Variants in NELL2 observed in about 807,000 individuals in gnomAD.
The protein encoded by NELL2 is neural EGFL like 2, also known as protein kinase C-binding protein NELL2.
Under a neutral mutation model 109.6 loss-of-function variants are expected in NELL2, and 41 were observed. The ratio of observed to expected loss-of-function variants is 0.37; its 90% CI spans 0.29 to 0.49. NELL2 has a LOEUF of 0.49. Ranked by LOEUF, NELL2 falls within the 20% of genes least tolerant of loss-of-function variation. The probability of loss-of-function intolerance (pLI) is 0.98; values close to 1 mark genes in which losing one functional copy is unlikely to be tolerated. For missense variants in NELL2, 900 were observed against 1,008.3 expected (o/e 0.89, Z 1.45); for synonymous variants, 355 against 344.7 (o/e 1.03, Z -0.33).
chr12:44,560,282 G>A (rs1284850763), intron 15 of NELL2, among the ~76,000 whole-genome samples: 1 of 152,014 alleles, frequency 6.6e-6, no homozygotes, highest in East Asian at 1.9e-4. Context: ...AGAAGCAAGA[G>A]CAAACAAATT....
intron 9 of NELL2, among the ~76,000 whole-genome samples, chr12:44,718,112 A>C (rs757745443): frequency 7.7e-4 from 118 of 152,304 alleles, no homozygotes; most frequent in Admixed American, 1.1e-3. Flanking sequence ...TCCCTCCTTG[A>C]GATTATCAAA....
chr12:44,572,121 A>T (rs1349345735), intron 15 of NELL2, among the ~76,000 whole-genome samples: 1 of 152,070 alleles, frequency 6.6e-6, no homozygotes, highest in Non-Finnish European at 1.5e-5. Flanking sequence ...CAATATTTTT[A>T]AGACTAAATT....
At chr12:44,774,224 A>G (rs145965820) in intron 9 of NELL2, among the ~76,000 whole-genome samples, 1,812 of 152,308 alleles carry the variant, frequency 0.012, 42 homozygotes, top group African/African-American at 0.04. Flanking sequence ...CTATATAATG[A>G]CTGCTAAAAG....
chr12:44,669,074 C>T (rs1948048917), intron 12 of NELL2, among the ~76,000 whole-genome samples: 1 of 152,186 alleles, frequency 6.6e-6, no homozygotes, highest in Non-Finnish European at 1.5e-5. Context: ...AGCAAAGCAT[C>T]ACCAAAGCCT....
chr12:44,714,270 G>A (rs539633480), intron 10 of NELL2, among the ~76,000 whole-genome samples: 7 of 151,844 alleles, frequency 4.6e-5, no homozygotes, highest in South Asian at 2.1e-4. Flanking sequence ...GTAATTTTTC[G>A]TTTTGTTTTT....
At chr12:44,677,656 T>C (rs1436061803) in intron 12 of NELL2, among the ~76,000 whole-genome samples, 3 of 152,052 alleles carry the variant, frequency 2.0e-5, no homozygotes, top group African/African-American at 4.8e-5. Context: ...TGATACTAGT[T>C]TCAGTTCTTG....
chr12:44,899,719 C>T (rs1025007724), intron 1 of NELL2, among the ~76,000 whole-genome samples: 2 of 152,080 alleles, frequency 1.3e-5, no homozygotes, highest in Middle Eastern at 3.2e-3. Context: ...GGCAAAATAA[C>T]CAGCTAGCAT....
At chr12:44,524,478 T>C (rs1941679841) in intron 16 of NELL2, among the ~76,000 whole-genome samples, 1 of 152,198 alleles carries the variant, frequency 6.6e-6, no homozygotes, top group African/African-American at 2.4e-5. Flanking sequence ...AGATGGAGTG[T>C]ATAGCTTTTA....
chr12:44,646,295 T>C (rs1257456774), intron 13 of NELL2, among the ~76,000 whole-genome samples: 4 of 152,146 alleles, frequency 2.6e-5, no homozygotes, highest in Non-Finnish European at 5.9e-5. Context: ...ACACAGTTAA[T>C]AAGCTGCATA....
chr12:44,725,102 T>C (rs73278131), intron 9 of NELL2, among the ~76,000 whole-genome samples: 11,428 of 152,124 alleles, frequency 0.075, 1,389 homozygotes, highest in African/African-American at 0.26. Flanking sequence ...CCTTACACCA[T>C]GTACAAAAAT....
At position 44,508,718 on chromosome 12, in the gene NELL2, C is replaced by G. The variant is rs1048093543; in HGVS notation, c.*216G>C. On this transcript the variant is annotated 3_prime_UTR_variant, in exon 20 of 20. Coordinates refer to ENST00000429094, the MANE Select transcript of NELL2 (RefSeq NM_001145108.2). ...CATTCTTCTACATGGTGATGTGAGA[C>G]ACAGTAGAGGCAGACTTGAGGTCTA... 3 of 555,230 alleles carry G rather than the reference C, an allele frequency of 5.4e-6. No individual in the cohort carries two copies. The highest frequency in any genetic ancestry group is 9.8e-6 in the Non-Finnish European group (3 of 305,438). 34.4% of individuals were successfully genotyped at this position (555,230 alleles called of 1,614,324 possible). A position where few individuals can be genotyped will look rare whatever the true frequency, so the allele number is the denominator to read the frequency against.
intron 1 of NELL2, among the ~76,000 whole-genome samples, chr12:44,898,386 G>T (rs1195093939): frequency 6.6e-6 from 1 of 152,142 alleles, no homozygotes; most frequent in Non-Finnish European, 1.5e-5. Context: ...TGACTGTCTG[G>T]AATGAAGCTT....
At chr12:44,717,246 A>G (rs968346050) in intron 9 of NELL2, among the ~76,000 whole-genome samples, 1 of 152,166 alleles carries the variant, frequency 6.6e-6, no homozygotes, top group African/African-American at 2.4e-5. Flanking sequence ...TCCTAAAAAC[A>G]CTGCAAGGAA....
intron 13 of NELL2, among the ~76,000 whole-genome samples, chr12:44,647,421 A>G (rs913864929): frequency 1.3e-5 from 2 of 152,214 alleles, no homozygotes; most frequent in Non-Finnish European, 2.9e-5. Context: ...TAGCTTTCTC[A>G]TCTATGCAAC....
intron 12 of NELL2, among the ~76,000 whole-genome samples, chr12:44,674,583 G>A (rs1009066383): frequency 1.3e-5 from 2 of 152,176 alleles, no homozygotes; most frequent in African/African-American, 4.8e-5. Context: ...TATGGGAAAG[G>A]GGACATAATG....
intron 9 of NELL2, among the ~76,000 whole-genome samples, chr12:44,749,811 A>T (rs112120602): frequency 0.021 from 3,182 of 152,276 alleles, 106 homozygotes; most frequent in African/African-American, 0.07. Context: ...AAATAACACC[A>T]TAAAAAGAAA....
At chr12:44,863,975 T>C (rs1316319206) in intron 2 of NELL2, among the ~76,000 whole-genome samples, 1 of 151,956 alleles carries the variant, frequency 6.6e-6, no homozygotes, top group African/African-American at 2.4e-5. Context: ...CAAAGTTAAG[T>C]TGTTATCAGG....
intron 9 of NELL2, among the ~76,000 whole-genome samples, chr12:44,765,363 T>A (rs1359696107): frequency 6.6e-6 from 1 of 151,540 alleles, no homozygotes; most frequent in African/African-American, 2.4e-5. Flanking sequence ...ATTTTTTTTT[T>A]AAGTTCACAA....
At chr12:44,553,804 T>C (rs533159386) in intron 15 of NELL2, among the ~76,000 whole-genome samples, 42 of 151,352 alleles carry the variant, frequency 2.8e-4, no homozygotes, top group Middle Eastern at 6.8e-3. Flanking sequence ...TTGGACATTG[T>C]GAGAATATAG....
Sources: allele counts gnomAD v4.1 joint callset (sites outside exome capture counted in the v4.1 genomes callset), GRCh38; gene constraint gnomAD v4.1.1; transcripts MANE v1.5; gene names NCBI Gene and HGNC (gene_info 2026-07-23, HGNC 2026-07-21).